The following EXT1 variants were observed in gnomAD, a reference collection of about 807,000 sequenced individuals.
EXT1 encodes the protein exostosin-1.
EXT1 carries 20 observed loss-of-function variants against 82.5 expected under a neutral mutation model. That is an observed-to-expected ratio of 0.24 (90% CI 0.17 to 0.35). The LOEUF (loss-of-function observed/expected upper bound fraction) is 0.35. EXT1 is among the 10% of genes least tolerant of loss of function. The probability of loss-of-function intolerance (pLI) is 1.00; values close to 1 mark genes in which losing one functional copy is unlikely to be tolerated. For synonymous variants in EXT1, 348 were observed against 350.8 expected (o/e 0.99, Z 0.09); for missense variants, 757 against 936.5 (o/e 0.81, Z 2.50).
At chr8:117,911,893 TA>T (rs1254145001) in intron 1 of EXT1, among the ~76,000 whole-genome samples, 2 of 152,208 alleles carry the variant, frequency 1.3e-5, no homozygotes, top group African/African-American at 4.8e-5. Flanking sequence ...ATTTTATTTT[TA>T]AAAAACACTG....
chr8:117,870,140 T>TTAG (rs1276568891), intron 1 of EXT1, among the ~76,000 whole-genome samples: 1 of 152,206 alleles, frequency 6.6e-6, no homozygotes, highest in Non-Finnish European at 1.5e-5. Flanking sequence ...CATCTAAAGA[T>TTAG]GACCAAACTA....
chr8:117,841,556 A>G (rs1812274462), intron 1 of EXT1, among the ~76,000 whole-genome samples: 1 of 152,240 alleles, frequency 6.6e-6, no homozygotes, highest in Non-Finnish European at 1.5e-5. Flanking sequence ...CAAGAAGGTA[A>G]GTAGGTGAGG....
chr8:118,074,617 T>A (rs1054732951), intron 1 of EXT1, among the ~76,000 whole-genome samples: 3 of 149,184 alleles, frequency 2.0e-5, no homozygotes, highest in Non-Finnish European at 4.4e-5. Flanking sequence ...GAACATTGAA[T>A]TGAGCGAGCC....
chr8:118,003,273 G>T (rs1815709480), intron 1 of EXT1, among the ~76,000 whole-genome samples: 1 of 151,882 alleles, frequency 6.6e-6, no homozygotes, highest in Admixed American at 6.6e-5. Flanking sequence ...GAGGGATGAG[G>T]AATAAAAGAC....
At position 117,799,520 on chromosome 8, in the gene EXT1, A is replaced by AGCAGTCTGGT. The variant is rs1365954497; in HGVS notation, c.*182_*191dup. ...ACAGAAGCCAGTGAGGTGAGTTTGGAGCAGTCTGGTGCAGTCCCAGGAGCC... is the reference window on the plus strand; with the variant it reads ...ACAGAAGCCAGTGAGGTGAGTTTGGAGCAGTCTGGTGCAGTCTGGTGCAGTCCCAGGAGCC... On this transcript the variant is annotated 3_prime_UTR_variant, in exon 11 of 11. Transcript: ENST00000378204. 3 of 622,110 alleles carry AGCAGTCTGGT rather than the reference A, an allele frequency of 4.8e-6. No homozygotes were observed. In the East Asian group the frequency reaches 8.3e-5, roughly 17 times the overall value. 38.5% of individuals were successfully genotyped at this position (622,110 alleles called of 1,614,324 possible).
chr8:117,999,723 T>C (rs1815619967), intron 1 of EXT1, among the ~76,000 whole-genome samples: 1 of 152,134 alleles, frequency 6.6e-6, no homozygotes, highest in South Asian at 2.1e-4. Flanking sequence ...TCAGCCTGAT[T>C]TGTATTGTTT....
intron 1 of EXT1, among the ~76,000 whole-genome samples, chr8:117,878,908 G>A (rs148165045): frequency 1.7e-3 from 264 of 152,352 alleles, no homozygotes; most frequent in African/African-American, 6.0e-3. Context: ...TGTGGGCTAT[G>A]CTCCACTTCT....
In EXT1 at chr8:117,917,270, T is replaced by TA. The variant is rs753073926; in HGVS notation, c.963-80070dup. Among the ~76,000 whole-genome samples the TA allele has an allele frequency of 3.3e-5, 5 of 152,200 alleles. No homozygotes were observed. The South Asian group carries it at 8.3e-4, about 25-fold the overall frequency. ...GGGCGGATCATTTGAGGTCAGAAGT[T>TA]AGAGACTAGCTTGGCGGACATGGCT... is the stretch of plus-strand genomic sequence containing the variant. On this transcript the variant is annotated intron_variant, in intron 1 of 10. Transcript: ENST00000378204.
intron 1 of EXT1, among the ~76,000 whole-genome samples, chr8:117,860,019 C>A (rs1812652071): frequency 6.6e-6 from 1 of 151,838 alleles, no homozygotes; most frequent in South Asian, 2.1e-4. Flanking sequence ...TGGTGGTGGG[C>A]ACCTGTAATC....
intron 1 of EXT1, among the ~76,000 whole-genome samples, chr8:117,859,223 C>T (rs1812638432): frequency 6.6e-6 from 1 of 152,118 alleles, no homozygotes; most frequent in African/African-American, 2.4e-5. Flanking sequence ...GAACCAAACA[C>T]ACAATATCTC....
At chr8:117,823,350 C>G (rs1018310627) in intron 4 of EXT1, among the ~76,000 whole-genome samples, 5 of 152,006 alleles carry the variant, frequency 3.3e-5, no homozygotes, top group Non-Finnish European at 5.9e-5. Flanking sequence ...CCTCCCATCC[C>G]GAATCATTTG....
At chr8:117,878,415 CAT>C (rs1214393706) in intron 1 of EXT1, among the ~76,000 whole-genome samples, 3 of 152,194 alleles carry the variant, frequency 2.0e-5, no homozygotes, top group East Asian at 1.9e-4. Context: ...AAATAAATGA[CAT>C]AGCACATTTC....
At chr8:117,871,248 G>A (rs1002620548) in intron 1 of EXT1, among the ~76,000 whole-genome samples, 1 of 152,186 alleles carries the variant, frequency 6.6e-6, no homozygotes, top group Admixed American at 6.5e-5. Flanking sequence ...ATTATTTTGA[G>A]AGCATGGAAC....
intron 1 of EXT1, among the ~76,000 whole-genome samples, chr8:117,867,917 A>T (rs1812802331): frequency 6.6e-6 from 1 of 152,210 alleles, no homozygotes; most frequent in African/African-American, 2.4e-5. Flanking sequence ...TACTTCTAAT[A>T]GAGAAGCCCT....
intron 1 of EXT1, among the ~76,000 whole-genome samples, chr8:118,080,112 T>G (rs529680786): frequency 6.6e-6 from 1 of 152,304 alleles, no homozygotes; most frequent in South Asian, 2.1e-4. Context: ...GAAATATGAA[T>G]ATGAGTATCT....
chr8:118,065,305 G>A (rs185137885), intron 1 of EXT1, among the ~76,000 whole-genome samples: 1 of 152,112 alleles, frequency 6.6e-6, no homozygotes, highest in East Asian at 1.9e-4. Flanking sequence ...TTTTAAATAT[G>A]CTTCTAGATG....
At chr8:118,049,349 T>C (rs1241322163) in intron 1 of EXT1, among the ~76,000 whole-genome samples, 2 of 152,184 alleles carry the variant, frequency 1.3e-5, no homozygotes, top group Non-Finnish European at 2.9e-5. Context: ...AACCTATAAG[T>C]GGGTTTGTTG....
chr8:118,015,053 T>A (rs1032520322), intron 1 of EXT1, among the ~76,000 whole-genome samples: 12 of 152,210 alleles, frequency 7.9e-5, no homozygotes, highest in Non-Finnish European at 1.5e-4. Context: ...TGTACAGATT[T>A]TACATAACTC....
At chr8:117,888,087 A>AAATAAT (rs543600078) in intron 1 of EXT1, among the ~76,000 whole-genome samples, 2 of 150,446 alleles carry the variant, frequency 1.3e-5, no homozygotes, top group Non-Finnish European at 1.5e-5. Context: ...TCCATCTCAA[A>AAATAAT]AATAATAATA....
Sources: allele counts gnomAD v4.1 joint callset (sites outside exome capture counted in the v4.1 genomes callset), GRCh38; gene constraint gnomAD v4.1.1; transcripts MANE v1.5; gene names NCBI Gene and HGNC (gene_info 2026-07-23, HGNC 2026-07-21).